ARHGAP5: variants seen among roughly 807,000 people sequenced by gnomAD.
ARHGAP5 encodes the protein Rho GTPase activating protein 5.
ARHGAP5 carries 23 observed loss-of-function variants against 116.6 expected under a neutral mutation model. That is an observed-to-expected ratio of 0.20 (90% CI 0.14 to 0.28). ARHGAP5 has a LOEUF of 0.28. ARHGAP5 is among the 10% of genes least tolerant of loss of function. The probability of loss-of-function intolerance (pLI) is 1.00; values close to 1 mark genes in which losing one functional copy is unlikely to be tolerated. For missense variants in ARHGAP5, 1,405 were observed against 1,774.8 expected (o/e 0.79, Z 3.74); for synonymous variants, 574 against 602.0 (o/e 0.95, Z 0.68).
intron 3 of ARHGAP5, among the ~76,000 whole-genome samples, chr14:32,133,326 T>C (rs1880607631): frequency 6.6e-6 from 1 of 152,190 alleles, no homozygotes; most frequent in African/African-American, 2.4e-5. Flanking sequence ...GGATTCCTGG[T>C]ATTTTATTCT....
chr14:32,120,100 G>A (rs1479626821), intron 3 of ARHGAP5, among the ~76,000 whole-genome samples: 1 of 151,962 alleles, frequency 6.6e-6, no homozygotes, highest in Admixed American at 6.6e-5. Context: ...TTTGTGAGGA[G>A]GTTTTTAATT....
chr14:32,105,421 CT>C (rs1878966060), intron 2 of ARHGAP5, among the ~76,000 whole-genome samples: 1 of 151,600 alleles, frequency 6.6e-6, no homozygotes, highest in African/African-American at 2.4e-5. Flanking sequence ...TCACAAATAC[CT>C]TTTTTAAAGA....
chr14:32,081,434 A>G (rs1193820462), intron 1 of ARHGAP5, among the ~76,000 whole-genome samples: 3 of 151,546 alleles, frequency 2.0e-5, no homozygotes, highest in African/African-American at 7.3e-5. Context: ...GTGTAGTCCT[A>G]GCTACTTGGG....
intron 1 of ARHGAP5, among the ~76,000 whole-genome samples, chr14:32,086,338 A>G (rs1199470229): frequency 1.2e-4 from 18 of 152,090 alleles, no homozygotes; most frequent in Admixed American, 1.2e-3. Flanking sequence ...AGTACTCGAG[A>G]GTTTTAAACA....
chr14:32,123,839 T>A (rs1265844986), intron 3 of ARHGAP5, among the ~76,000 whole-genome samples: 1 of 152,198 alleles, frequency 6.6e-6, no homozygotes, highest in Non-Finnish European at 1.5e-5. Flanking sequence ...TAGAGCAGCC[T>A]TTATTCTGAT....
rs1881876650 is a variant in ARHGAP5, at chr14:32,155,976, C to A, written c.*1028C>A. 6.6e-6 allele frequency: 1 copy of A among 152,428 alleles called. No individual in the cohort carries two copies. Among genetic ancestry groups the A allele is most frequent in the Admixed American group, 6.6e-5 (1 of 15,262 alleles). The allele number at this position is 152,428 out of a possible 1,614,324, so 9.4% of individuals were successfully genotyped here. A position where few individuals can be genotyped will look rare whatever the true frequency, so the allele number is the denominator to read the frequency against. On this transcript the variant is annotated 3_prime_UTR_variant, in exon 7 of 7. Transcript: ENST00000345122. ...GGCCCTTAAAAAATATCCAAAAAAC[C>A]CATTGCTAATATAGCAATAAAAATA...
chr14:32,111,819 G>T, intron 2 of ARHGAP5, among the ~76,000 whole-genome samples: 1 of 139,530 alleles, frequency 7.2e-6, no homozygotes, highest in African/African-American at 2.7e-5. Flanking sequence ...CATTTCATCT[G>T]TTGTCACGCT....
chr14:32,113,955 G>A (rs147076239), intron 2 of ARHGAP5, among the ~76,000 whole-genome samples: 6 of 152,294 alleles, frequency 3.9e-5, no homozygotes, highest in East Asian at 1.9e-4. Flanking sequence ...TAGGCCAGGC[G>A]CAGTGACTCA....
chr14:32,095,424 T>G (rs1878477289), intron 2 of ARHGAP5, among the ~76,000 whole-genome samples: 3 of 150,428 alleles, frequency 2.0e-5, no homozygotes, highest in Admixed American at 6.6e-5. Context: ...TTGTTTTTTT[T>G]TTTTTGAGAT....
intron 3 of ARHGAP5, among the ~76,000 whole-genome samples, chr14:32,131,980 G>A (rs536615402): frequency 1.1e-4 from 17 of 152,246 alleles, no homozygotes; most frequent in African/African-American, 3.1e-4. Flanking sequence ...AATCCAGTCT[G>A]TCCTTGTTGG....
chr14:32,134,783 G>A (rs1880697730), intron 3 of ARHGAP5, among the ~76,000 whole-genome samples: 1 of 152,172 alleles, frequency 6.6e-6, no homozygotes, highest in Non-Finnish European at 1.5e-5. Flanking sequence ...CTTATCCTAA[G>A]TGTATCTTTA....
In ARHGAP5 at chr14:32,127,480, C is replaced by T. The variant is rs985010913; in HGVS notation, c.3865+10193C>T. Among the ~76,000 whole-genome samples the T allele has an allele frequency of 1.1e-4, 17 of 152,146 alleles. No homozygotes were observed. In the South Asian group the frequency reaches 2.3e-3, roughly 20 times the overall value. The stretch of plus-strand genomic sequence containing the variant: ...GACACAGCACATGTTTCAGAGAGCA[C>T]GGGGTTGGGGGTAAGGTTATAGATT... On this transcript the variant is annotated intron_variant, in intron 3 of 6. Coordinates refer to ENST00000345122, the MANE Select transcript of ARHGAP5 (RefSeq NM_001030055.2).
intron 1 of ARHGAP5, among the ~76,000 whole-genome samples, chr14:32,085,830 C>T (rs757417598): frequency 6.6e-6 from 1 of 152,034 alleles, no homozygotes; most frequent in Non-Finnish European, 1.5e-5. Flanking sequence ...TTGTACTCAA[C>T]TTCACTTTTG....
chr14:32,100,281 TCTCAGACC>T (rs1878730900), intron 2 of ARHGAP5, among the ~76,000 whole-genome samples: 1 of 152,098 alleles, frequency 6.6e-6, no homozygotes, highest in Non-Finnish European at 1.5e-5. Context: ...CTCACTGCAG[TCTCAGACC>T]CCTGGGTTCA....
intron 1 of ARHGAP5, among the ~76,000 whole-genome samples, chr14:32,085,539 T>C (rs1395300483): frequency 6.6e-6 from 1 of 152,250 alleles, no homozygotes; most frequent in Non-Finnish European, 1.5e-5. Flanking sequence ...CTGAACAAAT[T>C]ATTCATCTTT....
At chr14:32,137,040 T>C (rs1880840822) in intron 3 of ARHGAP5, among the ~76,000 whole-genome samples, 1 of 151,972 alleles carries the variant, frequency 6.6e-6, no homozygotes. Flanking sequence ...TTCTTGATAA[T>C]ATCTTTTAAT....
At chr14:32,145,785 A>C (rs1470148920) in intron 3 of ARHGAP5, among the ~76,000 whole-genome samples, 1 of 152,206 alleles carries the variant, frequency 6.6e-6, no homozygotes, top group African/African-American at 2.4e-5. Flanking sequence ...AATGTCCTAA[A>C]TGGTTTAAAA....
chr14:32,098,392 G>T (rs1016730585), intron 2 of ARHGAP5, among the ~76,000 whole-genome samples: 3 of 152,160 alleles, frequency 2.0e-5, no homozygotes, highest in Non-Finnish European at 2.9e-5. Flanking sequence ...AATCTAAATG[G>T]TGAGGAAAGG....
intron 6 of ARHGAP5, among the ~76,000 whole-genome samples, chr14:32,152,904 G>A (rs1255591686): frequency 6.6e-6 from 1 of 152,030 alleles, no homozygotes; most frequent in Non-Finnish European, 1.5e-5. Flanking sequence ...AGTCTTGATT[G>A]TCTCAACTAT....
Sources: allele counts gnomAD v4.1 joint callset (sites outside exome capture counted in the v4.1 genomes callset), GRCh38; gene constraint gnomAD v4.1.1; transcripts MANE v1.5; gene names NCBI Gene and HGNC (gene_info 2026-07-23, HGNC 2026-07-21).